Variants in PDIA6 observed in about 807,000 individuals in gnomAD.
PDIA6 encodes protein disulfide isomerase family A member 6.
Under a neutral mutation model 58.4 loss-of-function variants are expected in PDIA6, and 29 were observed. That is an observed-to-expected ratio of 0.50 (90% CI 0.37 to 0.68). The LOEUF is 0.68. PDIA6 is among the 30% of genes least tolerant of loss of function. PDIA6 has a pLI of 0.00. For synonymous variants in PDIA6, 192 were observed against 202.6 expected (o/e 0.95, Z 0.44); for missense variants, 480 against 551.0 (o/e 0.87, Z 1.29).
Position 10,791,877 on chromosome 2 carries a change from CGTCT to C in PDIA6, c.498_501del (p.Asp167ThrfsTer29), listed in dbSNP as rs1558441573. The C allele has an allele frequency of 1.2e-6, 2 of 1,614,028 alleles. No homozygotes were observed. The highest frequency in any genetic ancestry group is 2.2e-5 in the East Asian group (1 of 44,872). ...TCCAGAACATTCTTATCAAAGCTGTCGTCTGTCAGCTCAATCACATCCTTCTTAC... is the reference window on the plus strand; with the variant it reads ...TCCAGAACATTCTTATCAAAGCTGTCGTCAGCTCAATCACATCCTTCTTAC... On this transcript the variant is annotated frameshift_variant, in exon 6 of 13. Coordinates refer to ENST00000272227, the MANE Select transcript of PDIA6 (RefSeq NM_005742.4). LOFTEE classifies it high-confidence loss of function.
chr2:10,809,154 G>C (rs1256270883), intron 1 of PDIA6, among the ~76,000 whole-genome samples: 1 of 152,142 alleles, frequency 6.6e-6, no homozygotes, highest in Admixed American at 6.5e-5. Flanking sequence ...AATGATCTTA[G>C]ATATACTCAG....
At chr2:10,822,273 G>GT (rs1030176015) in intron 1 of PDIA6, among the ~76,000 whole-genome samples, 6 of 147,554 alleles carry the variant, frequency 4.1e-5, no homozygotes, top group African/African-American at 1.0e-4. Flanking sequence ...TATTTATTTT[G>GT]TTTTTTTGAG....
chr2:10,813,425 G>C (rs904669888), upstream of PDIA6, among the ~76,000 whole-genome samples: 4 of 152,232 alleles, frequency 2.6e-5, no homozygotes, highest in East Asian at 5.8e-4. Flanking sequence ...GTCCTGGGGG[G>C]CGAGGGGGCT....
chr2:10,794,377 C>T lies in PDIA6; in HGVS notation c.347-1175G>A, dbSNP rs527822306. On this transcript the variant is annotated intron_variant, in intron 4 of 12. Coordinates refer to ENST00000272227, the MANE Select transcript of PDIA6 (RefSeq NM_005742.4). ...AGGAGAATCACCTGAACCCAGGAGA[C>T]GGAGGCTGCAGTGAGCTGACATCGC... Among the ~76,000 whole-genome samples the T allele has an allele frequency of 5.4e-5, 8 of 148,432 alleles. No homozygotes were observed. In the East Asian group the frequency reaches 7.9e-4, roughly 15 times the overall value.
At chr2:10,821,035 GA>G (rs1667373427) in intron 1 of PDIA6, 2 of 545,468 alleles carry the variant, frequency 3.7e-6, no homozygotes, top group Admixed American at 3.2e-5. Flanking sequence ...ACCTCCCAGT[GA>G]GGAGATGGCC....
At chr2:10,796,060 CTTT>C (rs78611007) in intron 4 of PDIA6, among the ~76,000 whole-genome samples, 2 of 144,092 alleles carry the variant, frequency 1.4e-5, no homozygotes, top group African/African-American at 2.8e-5. Context: ...TTTGTGATAT[CTTT>C]TTTTTTTTTT....
At chr2:10,822,428 A>G (rs1033062351) in intron 1 of PDIA6, among the ~76,000 whole-genome samples, 1 of 151,810 alleles carries the variant, frequency 6.6e-6, no homozygotes, top group African/African-American at 2.4e-5. Context: ...ATGCCTGGCT[A>G]ATTTTTTGTA....
At chr2:10,788,368 G>GAGC (rs2148534286) in intron 10 of PDIA6, among the ~76,000 whole-genome samples, 1 of 152,150 alleles carries the variant, frequency 6.6e-6, no homozygotes, top group African/African-American at 2.4e-5. Context: ...ACATATAGCA[G>GAGC]AGCAGGCCGG....
chr2:10,810,864 C>T (rs1398332475), intron 1 of PDIA6, among the ~76,000 whole-genome samples: 2 of 152,142 alleles, frequency 1.3e-5, no homozygotes, highest in Non-Finnish European at 2.9e-5. Flanking sequence ...ATTCACATCA[C>T]CATTCCACTC....
chr2:10,793,886 A>G (rs1625940), intron 4 of PDIA6, among the ~76,000 whole-genome samples: 74,215 of 152,056 alleles, frequency 0.49, 19,660 homozygotes, highest in Middle Eastern at 0.58. Context: ...AGGTGTCTTT[A>G]AAGCCAAGTA....
At chr2:10,788,568 GAA>G (rs139639749) in intron 10 of PDIA6, 127 bp downstream of exon 10, 976 of 598,504 alleles carry the variant, frequency 1.6e-3, no homozygotes, top group East Asian at 3.0e-3. Flanking sequence ...AGGCAGGAGG[GAA>G]AAAAAAAAAA....
upstream of PDIA6, among the ~76,000 whole-genome samples, chr2:10,833,353 C>G (rs1302103846): frequency 6.6e-6 from 1 of 152,208 alleles, no homozygotes; most frequent in Non-Finnish European, 1.5e-5. Context: ...TTTGGAATTT[C>G]CCGATCAGCA....
chr2:10,783,409 ATTTT>A lies in PDIA6; in HGVS notation c.*845_*848del, dbSNP rs904175287. On this transcript the variant is annotated 3_prime_UTR_variant, in exon 13 of 13. Transcript: ENST00000272227. ...ACAAAAGTTAGTGACAGTTGTATTT[ATTTT>A]TTTAAGTTACAATAAAATGCTCTCA... The A allele has an allele frequency of 1.9e-6, 1 of 531,840 alleles. No homozygotes were observed. The highest frequency in any genetic ancestry group is 3.3e-6 in the Non-Finnish European group (1 of 303,522). 32.9% of individuals were successfully genotyped at this position (531,840 alleles called of 1,614,324 possible).
chr2:10,831,605 G>A (rs1667712191), intron 1 of PDIA6, among the ~76,000 whole-genome samples: 1 of 152,136 alleles, frequency 6.6e-6, no homozygotes, highest in African/African-American at 2.4e-5. Flanking sequence ...ATCCAGCTAC[G>A]ATGTGCCCCT....
At chr2:10,817,474 A>T (rs914007243), upstream of PDIA6, among the ~76,000 whole-genome samples, 2 of 152,210 alleles carry the variant, frequency 1.3e-5, no homozygotes, top group African/African-American at 4.8e-5. Context: ...TGTGGAAGAG[A>T]CTGCAAGCAA....
chr2:10,819,241 G>A (rs1470426691), intron 2 of PDIA6: 1 of 1,326,704 alleles, frequency 7.5e-7, no homozygotes, highest in South Asian at 1.3e-5. Context: ...TGAACAGATG[G>A]AGGCTCCTAC....
chr2:10,820,489 C>G (rs1328004307), intron 1 of PDIA6, among the ~76,000 whole-genome samples: 1 of 152,196 alleles, frequency 6.6e-6, no homozygotes, highest in Non-Finnish European at 1.5e-5. Context: ...ACATGTCCAG[C>G]CCCCAGGTAG....
rs753634451 is a variant in PDIA6, at chr2:10,788,930, C to A, written c.892G>T (p.Val298Phe). 2 of 1,614,154 alleles carry A rather than the reference C, an allele frequency of 1.2e-6. No individual in the cohort carries two copies. Among genetic ancestry groups the A allele is most frequent in the South Asian group, 2.2e-5 (2 of 91,084 alleles). Residue 298 changes from valine (V) to phenylalanine (F), a missense_variant, in exon 9 of 13, where the codon GTT (valine) becomes TTT (phenylalanine). Physicochemically the swap from Val to Phe is conservative, Grantham distance 50. Coordinates refer to ENST00000272227, the MANE Select transcript of PDIA6 (RefSeq NM_005742.4). ...AGGATATGGGGCAGCACAGCCACAA[C>A]ACAGAGCTGGTGCTCCTCACACGTC... The part of the protein sequence containing the change: ...KRTCEEHQLC[V>F]VAVLPHILDT...
At chr2:10,784,875 C>A in intron 12 of PDIA6, 59 bp downstream of exon 12, 1 of 1,256,594 alleles carries the variant, frequency 8.0e-7, no homozygotes, top group Non-Finnish European at 1.1e-6. Context: ...CAGAGATGCA[C>A]AGGCTCAAGA....
Sources: allele counts gnomAD v4.1 joint callset (sites outside exome capture counted in the v4.1 genomes callset), GRCh38; gene constraint gnomAD v4.1.1; transcripts MANE v1.5; gene names NCBI Gene and HGNC (gene_info 2026-07-23, HGNC 2026-07-21).